PBX1: variants seen among roughly 807,000 people sequenced by gnomAD.
PBX1 encodes pre-B-cell leukemia transcription factor 1.
Under a neutral mutation model 53.4 loss-of-function variants are expected in PBX1, and 6 were observed. The ratio of observed to expected loss-of-function variants is 0.11; its 90% CI spans 0.06 to 0.22. The LOEUF (loss-of-function observed/expected upper bound fraction) is 0.22. Among genes scored for constraint, PBX1 ranks in the 10% least tolerant of loss-of-function variants. PBX1 has a pLI of 1.00. For synonymous variants in PBX1, 204 were observed against 212.3 expected (o/e 0.96, Z 0.34); for missense variants, 251 against 551.4 (o/e 0.46, Z 5.46).
In PBX1 at chr1:164,751,763, G is replaced by C. The variant is rs546400644; in HGVS notation, c.266-40731G>C. Among the ~76,000 whole-genome samples the C allele has an allele frequency of 2.5e-3, 385 of 151,540 alleles. No homozygotes were observed. In the Middle Eastern group the frequency reaches 0.027, roughly 11 times the overall value. ...CGCCTGGCTAATTTTTGTATTTTTA[G>C]TAGAGGCAGGGTTTCACCATGTTGG... On this transcript the variant is annotated intron_variant, in intron 2 of 8. Coordinates refer to ENST00000420696, the MANE Select transcript of PBX1 (RefSeq NM_002585.4).
intron 2 of PBX1, among the ~76,000 whole-genome samples, chr1:164,616,468 C>T (rs1657288181): frequency 6.6e-6 from 1 of 152,186 alleles, no homozygotes; most frequent in Admixed American, 6.5e-5. Flanking sequence ...TTGGGTGTAT[C>T]TCCCTTGAGA....
chr1:164,722,606 T>C (rs567136868), intron 2 of PBX1, among the ~76,000 whole-genome samples: 1 of 152,304 alleles, frequency 6.6e-6, no homozygotes, highest in South Asian at 2.1e-4. Flanking sequence ...TTTGGATCTC[T>C]CTCCCTCTCC....
At chr1:164,820,533 C>T (rs937369830) in intron 7 of PBX1, among the ~76,000 whole-genome samples, 1 of 152,124 alleles carries the variant, frequency 6.6e-6, no homozygotes, top group Non-Finnish European at 1.5e-5. Flanking sequence ...TTCCAGGTCT[C>T]CCTCTCATGT....
At chr1:164,866,407 C>T (rs1219673860) in intron 2 of PBX1, among the ~76,000 whole-genome samples, 1 of 152,188 alleles carries the variant, frequency 6.6e-6, no homozygotes, top group African/African-American at 2.4e-5. Context: ...ACAGGAAGCA[C>T]AGGAAATGTC....
At chr1:164,619,629 C>T (rs576786700) in intron 2 of PBX1, among the ~76,000 whole-genome samples, 1 of 152,238 alleles carries the variant, frequency 6.6e-6, no homozygotes, top group Non-Finnish European at 1.5e-5. Context: ...GTCATGTGTC[C>T]CTTTATTTTC....
chr1:164,796,953 G>A (rs73029043), intron 3 of PBX1, among the ~76,000 whole-genome samples: 2,250 of 152,302 alleles, frequency 0.015, 61 homozygotes, highest in African/African-American at 0.052. Flanking sequence ...AGGCTTGAGG[G>A]AAGTGAGGAG....
chr1:164,630,250 G>A (rs901384461), intron 2 of PBX1, among the ~76,000 whole-genome samples: 12 of 152,124 alleles, frequency 7.9e-5, no homozygotes, highest in African/African-American at 2.4e-4. Flanking sequence ...CTTGGATGAC[G>A]TGAAAAAGAA....
chr1:164,703,435 T>C (rs1000991117), intron 2 of PBX1: 1 of 152,186 alleles, frequency 6.6e-6, no homozygotes, highest in African/African-American at 2.4e-5. Flanking sequence ...TTAGTTCATA[T>C]GGCTGCCTTA....
chr1:164,596,478 C>T (rs1193633882), intron 2 of PBX1, among the ~76,000 whole-genome samples: 1 of 152,222 alleles, frequency 6.6e-6, no homozygotes, highest in Non-Finnish European at 1.5e-5. Flanking sequence ...CCCCCAGGGG[C>T]CATTTGGCAA....
intron 2 of PBX1, among the ~76,000 whole-genome samples, chr1:164,665,798 G>A (rs936577972): frequency 9.2e-5 from 14 of 152,122 alleles, no homozygotes; most frequent in Admixed American, 2.6e-4. Flanking sequence ...GCTTGTCATC[G>A]TGGATGGCAA....
At chr1:164,588,473 CTTTTTTTTT>C (rs371768861) in intron 2 of PBX1, among the ~76,000 whole-genome samples, 8 of 73,048 alleles carry the variant, frequency 1.1e-4, no homozygotes, top group South Asian at 6.9e-4. Flanking sequence ...CCGGACTAAG[CTTTTTTTTT>C]TTTTTTTTTT....
chr1:164,573,684 C>T (rs908861694), intron 2 of PBX1, among the ~76,000 whole-genome samples: 1 of 152,046 alleles, frequency 6.6e-6, no homozygotes, highest in African/African-American at 2.4e-5. Flanking sequence ...TGGGGTTTCA[C>T]CATGTCGGCC....
intron 2 of PBX1, among the ~76,000 whole-genome samples, chr1:164,790,439 T>A (rs1668439903): frequency 6.6e-6 from 1 of 152,186 alleles, no homozygotes; most frequent in Non-Finnish European, 1.5e-5. Flanking sequence ...CATATTCAGG[T>A]TTGAAGAGAG....
At chr1:164,767,045 A>G (rs1031128465) in intron 2 of PBX1, among the ~76,000 whole-genome samples, 1 of 151,574 alleles carries the variant, frequency 6.6e-6, no homozygotes, top group African/African-American at 2.4e-5. Context: ...TTTGCAACCT[A>G]TAACACATTT....
At chr1:164,767,505 C>G (rs939111314) in intron 2 of PBX1, among the ~76,000 whole-genome samples, 1 of 152,074 alleles carries the variant, frequency 6.6e-6, no homozygotes, top group South Asian at 2.1e-4. Flanking sequence ...TGGCTTTCTG[C>G]GTCCAACTGC....
chr1:164,654,529 T>C (rs1006633919), intron 2 of PBX1, among the ~76,000 whole-genome samples: 2 of 152,164 alleles, frequency 1.3e-5, no homozygotes, highest in East Asian at 1.9e-4. Flanking sequence ...TTGAAAGATA[T>C]GGACAAGTGA....
intron 2 of PBX1, among the ~76,000 whole-genome samples, chr1:164,679,158 A>T (rs1661603944): frequency 6.6e-6 from 1 of 152,238 alleles, no homozygotes; most frequent in African/African-American, 2.4e-5. Flanking sequence ...TTAATTAACC[A>T]CATCCAATAA....
intron 2 of PBX1, among the ~76,000 whole-genome samples, chr1:164,790,080 C>CGCT (rs1668416087): frequency 6.6e-6 from 1 of 151,844 alleles, no homozygotes; most frequent in Non-Finnish European, 1.5e-5. Flanking sequence ...GGCTGCTGGG[C>CGCT]GCTGCTGCCA....
rs80225002 is a variant in PBX1 at position 164,593,859 on chromosome 1, C to T, written c.265+30548C>T. 4.3e-3 allele frequency among the ~76,000 whole-genome samples: 651 copies of T among 152,150 alleles called. 6 individuals are homozygous for T. Among genetic ancestry groups the T allele is most frequent in the African/African-American group, 0.015 (620 of 41,508 alleles). On this transcript the variant is annotated intron_variant, in intron 2 of 8. Coordinates refer to ENST00000420696, the MANE Select transcript of PBX1 (RefSeq NM_002585.4). ...GACTGTTCTGAGAATCTCTTGCTCT[C>T]GAGAGATTGAGCTCCTGATTCTCTC...
Sources: gnomAD v4.1 joint callset for allele counts (sites outside exome capture counted in the v4.1 genomes callset) on GRCh38, gnomAD v4.1.1 for gene constraint, MANE v1.5 for transcripts, NCBI Gene and HGNC (gene_info 2026-07-23, HGNC 2026-07-21) for gene names.